ZNF596: variants seen among roughly 807,000 people sequenced by gnomAD.
ZNF596 encodes zinc finger protein 596.
In ZNF596, 45 loss-of-function variants were observed where a neutral mutation model predicts 48.3. The ratio of observed to expected loss-of-function variants is 0.93; its 90% CI spans 0.73 to 1.19. The LOEUF is 1.19. Among genes scored for constraint, ZNF596 ranks in the 50% most tolerant of loss-of-function variants. ZNF596 has a pLI of 0.00. For missense variants in ZNF596, 848 were observed against 599.7 expected, an observed-to-expected ratio of 1.41 and a Z score of -4.32; for synonymous variants, 270 against 202.0, an observed-to-expected ratio of 1.34 and a Z score of -2.85.
chr8:239,944 A>G (rs544680097), intron 1 of ZNF596, among the ~76,000 whole-genome samples: 8 of 152,304 alleles, frequency 5.3e-5, no homozygotes, highest in African/African-American at 1.7e-4. Context: ...AGACACTCTT[A>G]TCACCTATGA....
chr8:241,011 C>A, intron 2 of ZNF596, 104 bp downstream of exon 2: 2 of 1,392,246 alleles, frequency 1.4e-6, no homozygotes, highest in African/African-American at 1.4e-5. Flanking sequence ...CTCAAGGATC[C>A]AAGCTCCAAT....
At chr8:240,119 C>A (rs1796791735) in intron 1 of ZNF596, among the ~76,000 whole-genome samples, 4 of 152,194 alleles carry the variant, frequency 2.6e-5, no homozygotes, top group African/African-American at 7.2e-5. Flanking sequence ...TTACAACTAA[C>A]AATGTCACAT....
rs1427296845 is a variant in ZNF596 at position 245,478 on chromosome 8, A to G, written c.631A>G (p.Arg211Gly). The change falls in exon 6 of 6, where the codon AGG (arginine) becomes GGG (glycine). Residue 211 changes from arginine to glycine, a missense_variant. Transcript: ENST00000398612. Reference sequence around the variant, plus strand: ...AACCTTTAGCAAAAATTCTAATCTTAGGCGACATGAGATGATTCACACTGG... The same window carrying G: ...AACCTTTAGCAAAAATTCTAATCTTGGGCGACATGAGATGATTCACACTGG... ...GKTFSKNSNL[R>G]RHEMIHTGEK... 6.2e-7 allele frequency: 1 copy of G among 1,614,208 alleles called. No homozygotes were observed. Among genetic ancestry groups the G allele is most frequent in the Admixed American group, 1.7e-5 (1 of 60,034 alleles).
rs937611850 is a variant in ZNF596, at chr8:245,384, C to G, written c.537C>G (p.Asn179Lys). ...SHLFDYAFIQ[N>K]SALRPHSVTH... ...TATTTGATTATGCCTTTATCCAAAA[C>G]TCTGCCCTTAGACCACACAGTGTGA... The change falls in exon 6 of 6, where the codon AAC (asparagine) becomes AAG (lysine). Residue 179 changes from asparagine to lysine, a missense_variant. Physicochemically the swap from Asn to Lys is moderately conservative, Grantham distance 94. Transcript: ENST00000398612. 7 of 1,614,058 alleles carry G rather than the reference C, an allele frequency of 4.3e-6. No homozygotes were observed. The highest frequency in any genetic ancestry group is 5.9e-6 in the Non-Finnish European group (7 of 1,180,026).
At chr8:241,188 G>A (rs909266102) in intron 2 of ZNF596, among the ~76,000 whole-genome samples, 1 of 152,112 alleles carries the variant, frequency 6.6e-6, no homozygotes, top group Non-Finnish European at 1.5e-5. Context: ...CATTCATTAC[G>A]AGCCTCTCAT....
At position 246,943 on chromosome 8, in the gene ZNF596, C is replaced by G. The variant is rs189623225; in HGVS notation, c.*581C>G. The G allele has an allele frequency of 6.5e-6, 1 of 153,802 alleles. No individual in the cohort carries two copies. The highest frequency in any genetic ancestry group is 6.4e-5 in the Admixed American group (1 of 15,536). 9.5% of individuals were successfully genotyped at this position (153,802 alleles called of 1,614,324 possible). Reference sequence around the variant, plus strand: ...ATGAGAAATCCTTTTCTTAATACAGCAGCACTTCTATAATAGATCAGAATT... The same window carrying G: ...ATGAGAAATCCTTTTCTTAATACAGGAGCACTTCTATAATAGATCAGAATT... On this transcript the variant is annotated 3_prime_UTR_variant, in exon 6 of 6. Transcript: ENST00000398612.
intron 3 of ZNF596, 73 bp downstream of exon 3, chr8:243,086 T>C: frequency 1.4e-6 from 2 of 1,439,266 alleles, no homozygotes; most frequent in Middle Eastern, 2.2e-4. Flanking sequence ...TGATTCATTC[T>C]TTCATTCTAC....
intron 1 of ZNF596, among the ~76,000 whole-genome samples, chr8:235,633 T>TA (rs1796587733): frequency 6.6e-6 from 1 of 152,232 alleles, no homozygotes; most frequent in South Asian, 2.1e-4. Flanking sequence ...AGATGCTATT[T>TA]TATATTCTGT....
chr8:246,536 C>G lies in ZNF596; in HGVS notation c.*174C>G, dbSNP rs1324836877. On this transcript the variant is annotated 3_prime_UTR_variant, in exon 6 of 6. Coordinates refer to ENST00000398612, the MANE Select transcript of ZNF596 (RefSeq NM_001042416.3). ...TATTTAATGTTTATGGCACAAACTT[C>G]AGACTCTAGGCTGACCATATACAAC... is the stretch of plus-strand genomic sequence containing the variant. 1.3e-6 allele frequency: 1 copy of G among 766,564 alleles called. No individual in the cohort carries two copies. The highest frequency in any genetic ancestry group is 1.8e-5 in the African/African-American group (1 of 56,954). 47.5% of individuals were successfully genotyped at this position (766,564 alleles called of 1,614,324 possible).
At position 243,822 on chromosome 8, in the gene ZNF596, A is replaced by G. The variant is rs1192660912; in HGVS notation, c.223+17A>G. 6.2e-7 allele frequency: 1 copy of G among 1,607,868 alleles called. No individual in the cohort carries two copies. The highest frequency in any genetic ancestry group is 1.3e-5 in the African/African-American group (1 of 74,784). ...TACTGCAAGGTGAGCTCTAAGAAGC[A>G]GTGCTTCAATAGGAGGAGGAGAAAC... On this transcript the variant is annotated intron_variant, in intron 4 of 5. Coordinates refer to ENST00000398612, the MANE Select transcript of ZNF596 (RefSeq NM_001042416.3).
chr8:236,470 C>T (rs1401416248), intron 1 of ZNF596, among the ~76,000 whole-genome samples: 1 of 152,156 alleles, frequency 6.6e-6, no homozygotes, highest in African/African-American at 2.4e-5. Context: ...GCATCAGCCT[C>T]ACCCAGCCTC....
At chr8:238,616 C>T (rs894094532) in intron 1 of ZNF596, among the ~76,000 whole-genome samples, 3 of 92,654 alleles carry the variant, frequency 3.2e-5, no homozygotes, top group Non-Finnish European at 6.0e-5. Context: ...GCTTTGCCAA[C>T]ATGGTGAAAT....
chr8:238,628 CAA>C (rs1167168569), intron 1 of ZNF596, among the ~76,000 whole-genome samples: 184 of 39,826 alleles, frequency 4.6e-3, no homozygotes, highest in African/African-American at 0.011. Flanking sequence ...TGGTGAAATA[CAA>C]AAAAAAAAAA....
chr8:235,677 A>T (rs1161970945), intron 1 of ZNF596, among the ~76,000 whole-genome samples: 1 of 152,112 alleles, frequency 6.6e-6, no homozygotes, highest in Non-Finnish European at 1.5e-5. Context: ...ACAAACACAC[A>T]CTTCGGTGTC....
intron 1 of ZNF596, among the ~76,000 whole-genome samples, chr8:236,202 A>C (rs1366929348): frequency 6.6e-6 from 1 of 152,194 alleles, no homozygotes; most frequent in Non-Finnish European, 1.5e-5. Flanking sequence ...ATAGACACTG[A>C]TTTTGTGTGT....
chr8:240,908 G>C lies in ZNF596; in HGVS notation c.12+1G>C, dbSNP rs779079634. On this transcript the variant is annotated splice_donor_variant, in intron 2 of 5. Coordinates refer to ENST00000398612, the MANE Select transcript of ZNF596 (RefSeq NM_001042416.3). LOFTEE classifies it high-confidence loss of function. ...CTGAGCTAGTACAATGCCATCACCGGTGAGTGGGAAATTCTTCTTTCTACT... is the reference window on the plus strand; with the variant it reads ...CTGAGCTAGTACAATGCCATCACCGCTGAGTGGGAAATTCTTCTTTCTACT... 3.7e-6 allele frequency: 6 copies of C among 1,614,096 alleles called. No homozygotes were observed. The East Asian group carries it at 8.9e-5, about 24-fold the overall frequency.
At chr8:243,577 C>G in intron 3 of ZNF596, 145 bp from the exon 4 acceptor site, 1 of 639,648 alleles carries the variant, frequency 1.6e-6, no homozygotes, top group Non-Finnish European at 2.7e-6. Flanking sequence ...TCGTGAAGGA[C>G]TGTCAATGTT....
In ZNF596 at chr8:246,191, A is replaced by C; in HGVS notation, c.1344A>C (p.Glu448Asp). The change falls in exon 6 of 6, where the codon GAA (glutamate) becomes GAC (aspartate). Residue 448 changes from glutamate to aspartate, a missense_variant. Physicochemically the swap from Glu to Asp is conservative, Grantham distance 45 (BLOSUM62 2). Coordinates refer to ENST00000398612, the MANE Select transcript of ZNF596 (RefSeq NM_001042416.3). ...ERTHTGEKPY[E>D]CNICGKAFNR... ...CTCACACTGGAGAGAAACCATATGAATGCAATATATGTGGTAAAGCCTTCA... is the reference window on the plus strand; with the variant it reads ...CTCACACTGGAGAGAAACCATATGACTGCAATATATGTGGTAAAGCCTTCA... 2 of 1,614,188 alleles carry C rather than the reference A, an allele frequency of 1.2e-6. No homozygotes were observed. The highest frequency in any genetic ancestry group is 1.7e-6 in the Non-Finnish European group (2 of 1,180,026).
chr8:243,340 T>C (rs754705133), intron 3 of ZNF596: 2 of 264,636 alleles, frequency 7.6e-6, no homozygotes, highest in Non-Finnish European at 1.4e-5. Context: ...TTCTTTAAAG[T>C]AATTATTCTA....
Sources: allele counts gnomAD v4.1 joint callset (sites outside exome capture counted in the v4.1 genomes callset), GRCh38; gene constraint gnomAD v4.1.1; transcripts MANE v1.5; gene names NCBI Gene and HGNC (gene_info 2026-07-23, HGNC 2026-07-21).